The following GALNT17 variants were observed in gnomAD, a reference collection of about 807,000 sequenced individuals.
The protein encoded by GALNT17 is polypeptide N-acetylgalactosaminyltransferase 17, also known as UDP-GalNAc:polypeptide N-acetylgalactosaminyltransferase-like 3.
A neutral mutation model predicts 63.7 loss-of-function variants in GALNT17; 29 were observed. That is an observed-to-expected ratio of 0.46 (90% CI 0.34 to 0.62). GALNT17 has a LOEUF of 0.62. Ranked by LOEUF, GALNT17 falls within the 20% of genes least tolerant of loss-of-function variation. The probability of loss-of-function intolerance (pLI) is 0.01; values close to 1 mark genes in which losing one functional copy is unlikely to be tolerated. For missense variants in GALNT17, 603 were observed against 799.6 expected, an observed-to-expected ratio of 0.75 and a Z score of 2.97; for synonymous variants, 305 against 318.3, an observed-to-expected ratio of 0.96 and a Z score of 0.45.
At chr7:71,707,828 A>G (rs1405088731) in intron 9 of GALNT17, among the ~76,000 whole-genome samples, 1 of 152,254 alleles carries the variant, frequency 6.6e-6, no homozygotes, top group Non-Finnish European at 1.5e-5. Flanking sequence ...GTCTAGGAAC[A>G]GGCACAGCCT....
intron 6 of GALNT17, among the ~76,000 whole-genome samples, chr7:71,580,313 T>C (rs1242646582): frequency 1.3e-5 from 2 of 151,802 alleles, no homozygotes; most frequent in Non-Finnish European, 2.9e-5. Context: ...TAGATGTAGA[T>C]GATAGATGGA....
At chr7:71,674,348 TTA>T (rs1491220000) in intron 8 of GALNT17, among the ~76,000 whole-genome samples, 9 of 146,024 alleles carry the variant, frequency 6.2e-5, no homozygotes, top group Admixed American at 1.4e-4. Context: ...CTCTTCCTTT[TTA>T]AAAAAAAAAA....
intron 1 of GALNT17, among the ~76,000 whole-genome samples, chr7:71,219,915 G>A (rs969548310): frequency 3.9e-5 from 6 of 152,180 alleles, no homozygotes; most frequent in African/African-American, 1.4e-4. Flanking sequence ...GCTCTGGCAG[G>A]TGGATGGCTG....
At chr7:71,428,334 G>A (rs1786798146) in intron 5 of GALNT17, among the ~76,000 whole-genome samples, 1 of 151,922 alleles carries the variant, frequency 6.6e-6, no homozygotes, top group African/African-American at 2.4e-5. Context: ...TCATATAAGT[G>A]GAGTCCTGCA....
chr7:71,391,571 C>T, intron 3 of GALNT17, among the ~76,000 whole-genome samples: 1 of 152,180 alleles, frequency 6.6e-6, no homozygotes, highest in East Asian at 1.9e-4. Flanking sequence ...CAGCCTCCAA[C>T]TCCTAGGCTC....
At chr7:71,425,675 C>T (rs1185128710) in intron 5 of GALNT17, among the ~76,000 whole-genome samples, 3 of 148,956 alleles carry the variant, frequency 2.0e-5, no homozygotes, top group African/African-American at 5.2e-5. Flanking sequence ...CTTGATCTTG[C>T]CTTTACACTC....
Position 71,616,671 on chromosome 7 carries a change from T to C in GALNT17, c.1080+45269T>C, listed in dbSNP as rs797004025. Among the ~76,000 whole-genome samples the C allele has an allele frequency of 8.1e-4, 108 of 132,816 alleles. No homozygotes were observed. The Middle Eastern group carries it at 0.019, about 23-fold the overall frequency. The allele number at this position is 132,816 out of a possible 152,430, so 87.1% of individuals were successfully genotyped here. On this transcript the variant is annotated intron_variant, in intron 6 of 10. Coordinates refer to ENST00000333538, the MANE Select transcript of GALNT17 (RefSeq NM_022479.3). ...AATGTATAATTATAATCATAACATG[T>C]AATATAATACATTATAATATATAAT...
intron 1 of GALNT17, among the ~76,000 whole-genome samples, chr7:71,268,549 CAATAAATA>C (rs3061640): frequency 0.61 from 82,884 of 135,038 alleles, 28,074 homozygotes; most frequent in East Asian, 0.89. Flanking sequence ...AGATCCATCT[CAATAAATA>C]AATAAATAAA....
chr7:71,336,482 C>T (rs1028457542), intron 2 of GALNT17, among the ~76,000 whole-genome samples: 21 of 152,296 alleles, frequency 1.4e-4, no homozygotes, highest in African/African-American at 4.8e-5. Context: ...TTTCTTGATT[C>T]TTACCCTTCT....
chr7:71,252,092 T>C (rs1031722409), intron 1 of GALNT17, among the ~76,000 whole-genome samples: 11 of 152,274 alleles, frequency 7.2e-5, no homozygotes, highest in Admixed American at 6.5e-4. Flanking sequence ...CAAAAGAGGA[T>C]GTCACCACCA....
At chr7:71,617,711 C>T (rs766773950) in intron 6 of GALNT17, among the ~76,000 whole-genome samples, 6 of 151,942 alleles carry the variant, frequency 3.9e-5, no homozygotes, top group Non-Finnish European at 7.4e-5. Context: ...GGCGCGATCT[C>T]GGCTCACTGC....
At chr7:71,670,674 T>C (rs779862925) in intron 8 of GALNT17, among the ~76,000 whole-genome samples, 1 of 152,244 alleles carries the variant, frequency 6.6e-6, no homozygotes, top group Non-Finnish European at 1.5e-5. Flanking sequence ...GGCACTATTC[T>C]AAGTGCTTTT....
At chr7:71,504,897 T>C (rs1239513875) in intron 5 of GALNT17, among the ~76,000 whole-genome samples, 1 of 152,100 alleles carries the variant, frequency 6.6e-6, no homozygotes, top group African/African-American at 2.4e-5. Context: ...GGTCATACCA[T>C]TGTCATCTCT....
intron 1 of GALNT17, among the ~76,000 whole-genome samples, chr7:71,229,697 C>T (rs974685177): frequency 1.3e-5 from 2 of 152,168 alleles, no homozygotes; most frequent in African/African-American, 4.8e-5. Context: ...CTAAAGGTGC[C>T]TAACTCAACC....
chr7:71,461,201 C>G (rs1301365934), intron 5 of GALNT17, among the ~76,000 whole-genome samples: 1 of 151,572 alleles, frequency 6.6e-6, no homozygotes, highest in African/African-American at 2.4e-5. Flanking sequence ...ACCCATTTTT[C>G]TAGGTCCAGT....
intron 1 of GALNT17, among the ~76,000 whole-genome samples, chr7:71,203,621 TAA>T (rs1347027531): frequency 6.6e-6 from 1 of 152,194 alleles, no homozygotes; most frequent in Non-Finnish European, 1.5e-5. Flanking sequence ...TAATTTTTAA[TAA>T]AAGAGATTTA....
intron 5 of GALNT17, among the ~76,000 whole-genome samples, chr7:71,502,882 C>T (rs1013990451): frequency 1.3e-5 from 2 of 152,130 alleles, no homozygotes; most frequent in African/African-American, 4.8e-5. Flanking sequence ...CTGACTTCAC[C>T]CCAGGATATC....
At chr7:71,453,855 C>A (rs148336033) in intron 5 of GALNT17, among the ~76,000 whole-genome samples, 26 of 152,022 alleles carry the variant, frequency 1.7e-4, no homozygotes, top group African/African-American at 6.0e-4. Context: ...AATATCTCAT[C>A]AGGTCTGTTT....
chr7:71,345,154 T>G lies in GALNT17; in HGVS notation c.422+9421T>G, dbSNP rs528633062. On this transcript the variant is annotated intron_variant, in intron 2 of 10. Transcript: ENST00000333538. ...TTTTTGTTGTTGTTTTTTGTTTTTT[T>G]TTTTTGTTTTTTTTTGCTGAGACAT... Among the ~76,000 whole-genome samples the G allele has an allele frequency of 2.1e-3, 325 of 151,480 alleles. 1 individual carries two copies. Among genetic ancestry groups the G allele is most frequent in the Admixed American group, 0.019 (284 of 15,184 alleles).
Sources: allele counts gnomAD v4.1 joint callset (sites outside exome capture counted in the v4.1 genomes callset), GRCh38; gene constraint gnomAD v4.1.1; transcripts MANE v1.5; gene names NCBI Gene and HGNC (gene_info 2026-07-23, HGNC 2026-07-21).